BTBD9: variants seen among roughly 807,000 people sequenced by gnomAD.
BTBD9 encodes the protein BTB/POZ domain-containing protein 9.
Under a neutral mutation model 64.3 loss-of-function variants are expected in BTBD9, and 49 were observed. The observed-to-expected ratio is 0.76, with a 90% CI of 0.61 to 0.97. BTBD9 has a LOEUF of 0.97. Ranked by LOEUF, BTBD9 falls within the 50% of genes least tolerant of loss-of-function variation. The pLI, the probability that BTBD9 is intolerant of heterozygous loss-of-function variation, is 0.00. For missense variants in BTBD9, 598 were observed against 762.1 expected (o/e 0.78, Z 2.53); for synonymous variants, 260 against 274.7 (o/e 0.95, Z 0.53).
chr6:38,603,839 A>T (rs183839637), intron 1 of BTBD9, among the ~76,000 whole-genome samples: 26 of 152,318 alleles, frequency 1.7e-4, no homozygotes, highest in African/African-American at 6.3e-4. Context: ...ATTTACAAGC[A>T]TATGGTTTAG....
rs567786153 is a variant in BTBD9, at chr6:38,329,409, G to A, written c.1264+15575C>T. Among the ~76,000 whole-genome samples the A allele has an allele frequency of 3.5e-5, 5 of 144,236 alleles. 1 individual carries two copies. Among genetic ancestry groups the A allele is most frequent in the African/African-American group, 7.8e-5 (3 of 38,584 alleles). 94.6% of individuals were successfully genotyped at this position (144,236 alleles called of 152,430 possible). The stretch of plus-strand genomic sequence containing the variant: ...ATGATCTCGGCTCACCGCAACCTCC[G>A]CCTCCTGGTTTCAAAAGACTCTCCC... On this transcript the variant is annotated intron_variant, in intron 7 of 10. Transcript: ENST00000481247.
At chr6:38,499,144 CAA>C (rs758511920) in intron 6 of BTBD9, among the ~76,000 whole-genome samples, 2 of 142,266 alleles carry the variant, frequency 1.4e-5, no homozygotes, top group Non-Finnish European at 1.5e-5. Context: ...AGCAATACAC[CAA>C]AAAAAAAAAC....
intron 9 of BTBD9, among the ~76,000 whole-genome samples, chr6:38,255,546 G>A (rs1397330282): frequency 6.6e-6 from 1 of 152,174 alleles, no homozygotes; most frequent in East Asian, 1.9e-4. Flanking sequence ...CATGATGCTA[G>A]GCTGCTCAGA....
chr6:38,586,560 C>T (rs1251034126), intron 4 of BTBD9, among the ~76,000 whole-genome samples: 1 of 152,194 alleles, frequency 6.6e-6, no homozygotes, highest in Non-Finnish European at 1.5e-5. Context: ...AACCTCTCTA[C>T]ACTTCATGAG....
chr6:38,604,328 G>A (rs1457863246), intron 1 of BTBD9, among the ~76,000 whole-genome samples: 3 of 152,152 alleles, frequency 2.0e-5, no homozygotes, highest in African/African-American at 4.8e-5. Context: ...CTAAAGAATA[G>A]TATCATAAAA....
intron 6 of BTBD9, among the ~76,000 whole-genome samples, chr6:38,456,462 A>G (rs148371356): frequency 3.3e-5 from 5 of 152,364 alleles, no homozygotes; most frequent in Non-Finnish European, 7.3e-5. Context: ...CATTCTTACC[A>G]GCAGATTCCA....
At chr6:38,594,417 T>C (rs910123710) in intron 2 of BTBD9, 90 bp from the exon 3 acceptor site, 5 of 1,416,288 alleles carry the variant, frequency 3.5e-6, no homozygotes, top group Non-Finnish European at 3.7e-6. Flanking sequence ...ATTATGCAAA[T>C]ATAAATTTTT....
rs112663349 is a variant in BTBD9 at position 38,213,856 on chromosome 6, G to A, written c.1563-21259C>T. On this transcript the variant is annotated intron_variant, in intron 9 of 10. Coordinates refer to ENST00000481247, the MANE Select transcript of BTBD9 (RefSeq NM_001099272.2). ...AAATTAGCCAGGTGTGGTGGCAGGC[G>A]CCTGTAGTCCCAGCTACAGGCTGGG... Among the ~76,000 whole-genome samples the A allele has an allele frequency of 9.6e-3, 1,457 of 151,740 alleles. 22 individuals are homozygous for A. The highest frequency in any genetic ancestry group is 0.032 in the African/African-American group (1,333 of 41,404).
intron 8 of BTBD9, among the ~76,000 whole-genome samples, chr6:38,276,336 C>A (rs1354416727): frequency 8.3e-6 from 1 of 121,166 alleles, no homozygotes; most frequent in Admixed American, 9.7e-5. Context: ...CATCACACTC[C>A]GGGGACTGTT....
intron 8 of BTBD9, among the ~76,000 whole-genome samples, chr6:38,267,801 G>A (rs1427027247): frequency 1.3e-5 from 2 of 152,108 alleles, no homozygotes; most frequent in Non-Finnish European, 2.9e-5. Context: ...TTAGCTGGGC[G>A]AGGTGGCAGG....
intron 9 of BTBD9, among the ~76,000 whole-genome samples, chr6:38,199,164 G>A (rs191831188): frequency 1.6e-4 from 25 of 152,216 alleles, no homozygotes; most frequent in African/African-American, 4.6e-4. Context: ...TCTGAACTCC[G>A]GGGACCTAGG....
intron 6 of BTBD9, among the ~76,000 whole-genome samples, chr6:38,372,336 C>T (rs117203989): frequency 2.1e-4 from 32 of 152,284 alleles, no homozygotes; most frequent in Middle Eastern, 3.4e-3. Context: ...TAAGCCTAAT[C>T]GCAGTATGAT....
At chr6:38,304,821 A>G (rs1762566061) in intron 7 of BTBD9, among the ~76,000 whole-genome samples, 1 of 152,150 alleles carries the variant, frequency 6.6e-6, no homozygotes, top group African/African-American at 2.4e-5. Flanking sequence ...GAAGAAGAAA[A>G]GGACCTAAGG....
rs373336088 is a variant in BTBD9 at position 38,214,218 on chromosome 6, C to A, written c.1563-21621G>T. 4.6e-5 allele frequency among the ~76,000 whole-genome samples: 7 copies of A among 152,250 alleles called. No homozygotes were observed. In the East Asian group the frequency reaches 9.7e-4, roughly 21 times the overall value. On this transcript the variant is annotated intron_variant, in intron 9 of 10. Transcript: ENST00000481247. ...GCTCCAAGTCACTCTCTGGCCCCTC[C>A]CTCAGATTCCTGCCATACACTGGCC...
At chr6:38,502,190 GTCTGT>G (rs1345477038) in intron 6 of BTBD9, among the ~76,000 whole-genome samples, 1 of 152,184 alleles carries the variant, frequency 6.6e-6, no homozygotes, top group Non-Finnish European at 1.5e-5. Context: ...GCTCACCATG[GTCTGT>G]TCTAACAGAA....
At chr6:38,433,383 G>A (rs1027368160) in intron 6 of BTBD9, among the ~76,000 whole-genome samples, 27 of 152,020 alleles carry the variant, frequency 1.8e-4, no homozygotes, top group African/African-American at 6.1e-4. Flanking sequence ...ATGGCCTGAA[G>A]CAACTGAAGA....
chr6:38,266,644 A>AG (rs370360936), intron 8 of BTBD9, among the ~76,000 whole-genome samples: 1 of 134,768 alleles, frequency 7.4e-6, no homozygotes, highest in South Asian at 2.2e-4. Context: ...GAAAGAAAGA[A>AG]AGAAAGAAAG....
chr6:38,617,970 C>T (rs990012108), intron 1 of BTBD9, among the ~76,000 whole-genome samples: 1 of 152,160 alleles, frequency 6.6e-6, no homozygotes, highest in Non-Finnish European at 1.5e-5. Flanking sequence ...TGGTTAAGAG[C>T]CACTAAATCT....
chr6:38,436,330 T>C (rs1768735144), intron 6 of BTBD9, among the ~76,000 whole-genome samples: 1 of 151,660 alleles, frequency 6.6e-6, no homozygotes, highest in Non-Finnish European at 1.5e-5. Flanking sequence ...TAGAATCTTC[T>C]GTATGTGAAA....
Sources: gnomAD v4.1 joint callset for allele counts (sites outside exome capture counted in the v4.1 genomes callset) on GRCh38, gnomAD v4.1.1 for gene constraint, MANE v1.5 for transcripts, NCBI Gene and HGNC (gene_info 2026-07-23, HGNC 2026-07-21) for gene names.